Variants in PELI2 observed in about 807,000 individuals in gnomAD.
The protein encoded by PELI2 is pellino E3 ubiquitin protein ligase family member 2.
In PELI2, 23 loss-of-function variants were observed where a neutral mutation model predicts 42.3. The ratio of observed to expected loss-of-function variants is 0.54; its 90% confidence interval spans 0.39 to 0.77. PELI2 has a LOEUF of 0.77. Ranked by LOEUF, PELI2 falls within the 30% of genes least tolerant of loss-of-function variation. The pLI is 0.00. For missense variants in PELI2, 463 were observed against 553.2 expected (o/e 0.84, Z 1.64); for synonymous variants, 245 against 212.2 (o/e 1.15, Z -1.34).
At chr14:56,281,358 G>A (rs984137434) in intron 3 of PELI2, among the ~76,000 whole-genome samples, 3 of 151,972 alleles carry the variant, frequency 2.0e-5, no homozygotes, top group Non-Finnish European at 2.9e-5. Flanking sequence ...AATGGGAAGC[G>A]CAATAAAATA....
At chr14:56,146,067 A>G (rs982432707) in intron 1 of PELI2, among the ~76,000 whole-genome samples, 1 of 152,244 alleles carries the variant, frequency 6.6e-6, no homozygotes, top group African/African-American at 2.4e-5. Flanking sequence ...GACTGTTTGC[A>G]ATACAAAATA....
intron 1 of PELI2, among the ~76,000 whole-genome samples, chr14:56,145,991 A>G (rs1884100451): frequency 6.6e-6 from 1 of 152,242 alleles, no homozygotes; most frequent in African/African-American, 2.4e-5. Flanking sequence ...ATAAAACTAT[A>G]AAGTCATTGA....
At chr14:56,254,560 C>G (rs1443427723) in intron 2 of PELI2, among the ~76,000 whole-genome samples, 1 of 152,104 alleles carries the variant, frequency 6.6e-6, no homozygotes, top group Non-Finnish European at 1.5e-5. Context: ...CCAAGCAATA[C>G]CATTCAGGGC....
At chr14:56,160,786 G>A (rs146559025) in intron 1 of PELI2, among the ~76,000 whole-genome samples, 13 of 152,272 alleles carry the variant, frequency 8.5e-5, no homozygotes, top group African/African-American at 2.6e-4. Flanking sequence ...AGAATTTTGG[G>A]ATCTTTTAAA....
chr14:56,179,711 C>A (rs571128717), intron 2 of PELI2, among the ~76,000 whole-genome samples: 2 of 152,184 alleles, frequency 1.3e-5, no homozygotes, highest in Admixed American at 6.5e-5. Context: ...CTTAAGAGGT[C>A]AAGGAAGTAG....
intron 2 of PELI2, among the ~76,000 whole-genome samples, chr14:56,217,843 T>G (rs8015177): frequency 1.3e-5 from 2 of 151,896 alleles, no homozygotes; most frequent in Non-Finnish European, 2.9e-5. Flanking sequence ...TACAGTGTTA[T>G]ACTCACCAGC....
At chr14:56,276,675 CTT>C (rs1032198130) in intron 2 of PELI2, among the ~76,000 whole-genome samples, 2 of 152,324 alleles carry the variant, frequency 1.3e-5, no homozygotes, top group East Asian at 1.9e-4. Flanking sequence ...CCTGCAGTCT[CTT>C]TTCCCACTTT....
At chr14:56,222,681 A>G (rs1054918711) in intron 2 of PELI2, among the ~76,000 whole-genome samples, 2 of 152,226 alleles carry the variant, frequency 1.3e-5, no homozygotes, top group African/African-American at 4.8e-5. Context: ...GTTTGTACAT[A>G]TTAGAAAAGG....
chr14:56,181,199 C>G (rs1885566007), intron 2 of PELI2, among the ~76,000 whole-genome samples: 1 of 152,096 alleles, frequency 6.6e-6, no homozygotes, highest in South Asian at 2.1e-4. Context: ...ACCCATTAGC[C>G]TGTCTCTGTT....
In PELI2 at chr14:56,299,692, T is replaced by C. The variant is rs1454648517; in HGVS notation, c.*2526T>C. On this transcript the variant is annotated 3_prime_UTR_variant, in exon 6 of 6. Transcript: ENST00000267460. ...GGTGGAGAAACGCAATTCAGAAAAG[T>C]AATTTCTCCAAGGTCACTTCTTTTT... The C allele has an allele frequency of 1.3e-5, 2 of 152,074 alleles. No homozygotes were observed. The highest frequency in any genetic ancestry group is 4.8e-5 in the African/African-American group (2 of 41,444). The allele number at this position is 152,074 out of a possible 1,614,324, so 9.4% of individuals were successfully genotyped here.
intron 2 of PELI2, among the ~76,000 whole-genome samples, chr14:56,187,337 A>G (rs1032444110): frequency 2.0e-5 from 3 of 152,206 alleles, no homozygotes. Flanking sequence ...TACAAGGGAC[A>G]AGTTTGTACA....
At position 56,254,039 on chromosome 14, in the gene PELI2, C is replaced by T. The variant is rs146060436; in HGVS notation, c.208-25637C>T. The stretch of plus-strand genomic sequence containing the variant: ...AGAACAGAAGCTTCAGAAATAATAC[C>T]ACACATCTACAACCATCTGATCTTT... On this transcript the variant is annotated intron_variant, in intron 2 of 5. Coordinates refer to ENST00000267460, the MANE Select transcript of PELI2 (RefSeq NM_021255.3). Among the ~76,000 whole-genome samples the T allele has an allele frequency of 1.0e-3, 152 of 152,216 alleles. 2 individuals are homozygous for T. Among genetic ancestry groups the T allele is most frequent in the African/African-American group, 3.4e-3 (142 of 41,542 alleles).
intron 1 of PELI2, among the ~76,000 whole-genome samples, chr14:56,151,041 A>G (rs1422595443): frequency 6.6e-6 from 1 of 152,250 alleles, no homozygotes; most frequent in Non-Finnish European, 1.5e-5. Context: ...CACCCTTGTC[A>G]TCTTTGTGGC....
chr14:56,257,540 T>C (rs1459565676), intron 2 of PELI2, among the ~76,000 whole-genome samples: 1 of 118,986 alleles, frequency 8.4e-6, no homozygotes. Flanking sequence ...TCTATGTATA[T>C]ATTCATGTGA....
chr14:56,154,385 G>T (rs1041246655), intron 1 of PELI2, among the ~76,000 whole-genome samples: 1 of 152,202 alleles, frequency 6.6e-6, no homozygotes, highest in Admixed American at 6.5e-5. Context: ...GAGGGACCTG[G>T]TGGGAGATGA....
chr14:56,190,421 A>ATG (rs1178760712), intron 2 of PELI2, among the ~76,000 whole-genome samples: 2 of 152,214 alleles, frequency 1.3e-5, no homozygotes, highest in Admixed American at 1.3e-4. Flanking sequence ...CAAAACATAC[A>ATG]TGTAGAGTTT....
intron 2 of PELI2, among the ~76,000 whole-genome samples, chr14:56,258,304 C>CA (rs1013444958): frequency 7.4e-5 from 11 of 149,304 alleles, no homozygotes; most frequent in Admixed American, 2.7e-4. Flanking sequence ...CCCACCCCCG[C>CA]AAAAAAAAAT....
chr14:56,192,444 G>A (rs114186702), intron 2 of PELI2, among the ~76,000 whole-genome samples: 46 of 152,272 alleles, frequency 3.0e-4, no homozygotes, highest in African/African-American at 1.1e-3. Context: ...TGGGGCCCGT[G>A]CTGTGCCTTT....
Position 56,180,722 on chromosome 14 carries a change from G to GC in PELI2, c.207+2264dup, listed in dbSNP as rs150545359. Among the ~76,000 whole-genome samples the GC allele has an allele frequency of 0.11, 17,400 of 151,624 alleles. 1,316 individuals carry two copies. The highest frequency in any genetic ancestry group is 0.17 in the Middle Eastern group (49 of 292). On this transcript the variant is annotated intron_variant, in intron 2 of 5. Coordinates refer to ENST00000267460, the MANE Select transcript of PELI2 (RefSeq NM_021255.3). The surrounding 1 kb of genome is among the most constrained non-coding windows in gnomAD (Gnocchi z 4.4). ...CTCTGTTGGCACCTTCTACCTTGGC[G>GC]CCCCCCATCTACCTCTTCCGCCCCT...
Sources: allele counts gnomAD v4.1 joint callset (sites outside exome capture counted in the v4.1 genomes callset), GRCh38; gene constraint gnomAD v4.1.1; non-coding constraint Gnocchi (gnomAD v3.1); transcripts MANE v1.5; gene names NCBI Gene and HGNC (gene_info 2026-07-23, HGNC 2026-07-21).